The following MIPOL1 variants were observed in gnomAD, a reference collection of about 807,000 sequenced individuals.
The protein encoded by MIPOL1 is mirror-image polydactyly 1.
Under a neutral mutation model 60.9 loss-of-function variants are expected in MIPOL1, and 57 were observed. That is an observed-to-expected ratio of 0.94 (90% CI 0.76 to 1.17). The LOEUF (loss-of-function observed/expected upper bound fraction) is 1.17, where lower values mean the gene tolerates loss of function less well. MIPOL1 is among the 50% of genes most tolerant of loss of function. MIPOL1 has a pLI of 0.00. For missense variants in MIPOL1, 551 were observed against 511.6 expected (o/e 1.08, Z -0.74); for synonymous variants, 179 against 168.8 (o/e 1.06, Z -0.47).
intron 9 of MIPOL1, among the ~76,000 whole-genome samples, chr14:37,310,070 CA>C (rs1299775256): frequency 6.6e-6 from 1 of 152,130 alleles, no homozygotes; most frequent in East Asian, 1.9e-4. Flanking sequence ...CCAACACACA[CA>C]CATCTGGCTT....
chr14:37,403,905 G>C (rs975924119), intron 10 of MIPOL1, among the ~76,000 whole-genome samples: 1 of 152,156 alleles, frequency 6.6e-6, no homozygotes, highest in African/African-American at 2.4e-5. Context: ...GTGTCTTTAA[G>C]TGTTCTCTAA....
intron 11 of MIPOL1, among the ~76,000 whole-genome samples, chr14:37,436,008 C>A (rs2094158039): frequency 2.6e-5 from 4 of 151,910 alleles, no homozygotes; most frequent in Admixed American, 2.6e-4. Context: ...AATTAAATTC[C>A]AGAGTAGACT....
intron 7 of MIPOL1, among the ~76,000 whole-genome samples, chr14:37,294,143 C>T (rs563329067): frequency 4.5e-4 from 69 of 152,270 alleles, no homozygotes; most frequent in African/African-American, 9.9e-4. Flanking sequence ...GCAGCATTTG[C>T]GGTTCACCAA....
At chr14:37,389,999 G>A (rs554323681) in intron 10 of MIPOL1, among the ~76,000 whole-genome samples, 127 of 151,988 alleles carry the variant, frequency 8.4e-4, no homozygotes, top group Non-Finnish European at 1.6e-3. Context: ...TCAGGAGTTC[G>A]AGACCAGCTG....
intron 1 of MIPOL1, among the ~76,000 whole-genome samples, chr14:37,209,709 T>G (rs1342905633): frequency 6.6e-6 from 1 of 152,044 alleles, no homozygotes; most frequent in Non-Finnish European, 1.5e-5. Flanking sequence ...GGTTTTCGTT[T>G]ATTTGCTTAT....
intron 3 of MIPOL1, among the ~76,000 whole-genome samples, chr14:37,263,952 A>C (rs542452551): frequency 1.8e-4 from 28 of 152,328 alleles, no homozygotes; most frequent in Middle Eastern, 6.8e-3. Flanking sequence ...CTAATATGCA[A>C]AACAGACCAA....
Position 37,308,085 on chromosome 14 carries a change from A to G in MIPOL1, c.653A>G (p.Asp218Gly). Reference sequence around the variant, plus strand: ...GAAAATATTAACCCTGAAGAAAATGACATGGTAAGCCATTCTCTGAGGAGA... The same window carrying G: ...GAAAATATTAACCCTGAAGAAAATGGCATGGTAAGCCATTCTCTGAGGAGA... ...VLENINPEEN[D>G]MTLQELLNRI... The change falls in exon 8 of 13, where the codon GAC becomes GGC. Residue 218 changes from aspartate to glycine, a missense_variant. Physicochemically the swap from Asp to Gly is moderately conservative, Grantham distance 94 (BLOSUM62 -1). Transcript: ENST00000684589. 1 of 1,610,658 alleles carries G rather than the reference A, an allele frequency of 6.2e-7. No individual in the cohort carries two copies. The highest frequency in any genetic ancestry group is 1.1e-5 in the South Asian group (1 of 90,748).
At chr14:37,218,924 CAAAA>C (rs150658949) in intron 1 of MIPOL1, among the ~76,000 whole-genome samples, 13 of 106,758 alleles carry the variant, frequency 1.2e-4, no homozygotes, top group Admixed American at 3.0e-4. Context: ...GACCCTATTT[CAAAA>C]AAAAAAAAAA....
At chr14:37,423,213 G>A (rs1368696790) in intron 11 of MIPOL1, among the ~76,000 whole-genome samples, 1 of 151,260 alleles carries the variant, frequency 6.6e-6, no homozygotes, top group South Asian at 2.1e-4. Context: ...AATGAAGCCT[G>A]GATAGCTGTT....
Position 37,268,663 on chromosome 14 carries a change from T to C in MIPOL1, c.257T>C (p.Met86Thr). The C allele has an allele frequency of 1.3e-6, 2 of 1,583,478 alleles. No individual in the cohort carries two copies. Among genetic ancestry groups the C allele is most frequent in the Non-Finnish European group, 1.7e-6 (2 of 1,168,038 alleles). ...AATCAGTTTCTTTATTACAGCGTTATGGAACATAGACATAATGATATGCAT... is the reference window on the plus strand; with the variant it reads ...AATCAGTTTCTTTATTACAGCGTTACGGAACATAGACATAATGATATGCAT... ...VYCTTEKYNV[M>T]EHRHNDMHYE... The change falls in exon 5 of 13, where the codon ATG (methionine) becomes ACG (threonine). Residue 86 changes from methionine (M) to threonine (T), a missense_variant. Physicochemically the swap from Met to Thr is moderately conservative, Grantham distance 81. Transcript: ENST00000684589.
intron 10 of MIPOL1, among the ~76,000 whole-genome samples, chr14:37,375,496 T>A (rs2092751115): frequency 6.6e-6 from 1 of 152,146 alleles, no homozygotes; most frequent in Admixed American, 6.6e-5. Flanking sequence ...CCTTTTTAAT[T>A]TATTAATTTA....
intron 11 of MIPOL1, among the ~76,000 whole-genome samples, chr14:37,476,946 G>T (rs1424484254): frequency 7.0e-6 from 1 of 142,462 alleles, no homozygotes; most frequent in Non-Finnish European, 1.5e-5. Flanking sequence ...TGTCACCCAG[G>T]CTGGAGTGCA....
At chr14:37,337,977 T>C (rs549641851) in intron 9 of MIPOL1, among the ~76,000 whole-genome samples, 12 of 152,226 alleles carry the variant, frequency 7.9e-5, no homozygotes, top group African/African-American at 2.9e-4. Context: ...TGTTTTTTCC[T>C]AATATTTTTA....
rs1006715436 is a variant in MIPOL1, at chr14:37,548,506, A to G, written c.*1535A>G. On this transcript the variant is annotated 3_prime_UTR_variant, in exon 13 of 13. Coordinates refer to ENST00000684589, the MANE Select transcript of MIPOL1 (RefSeq NM_001388067.1). ...GTCCTAAAGAGAATTATATCCTCTC[A>G]TAGACCAATGACTCTATAATAGAGA... The G allele has an allele frequency of 1.3e-5, 2 of 152,052 alleles. No individual in the cohort carries two copies. Among genetic ancestry groups the G allele is most frequent in the Non-Finnish European group, 2.9e-5 (2 of 67,878 alleles). 9.4% of individuals were successfully genotyped at this position (152,052 alleles called of 1,614,324 possible).
chr14:37,500,570 A>G (rs945462215), intron 12 of MIPOL1, among the ~76,000 whole-genome samples: 16 of 152,154 alleles, frequency 1.1e-4, no homozygotes, highest in African/African-American at 3.6e-4. Context: ...AGTAGGGTGA[A>G]ATTAATTTTC....
At chr14:37,453,331 G>C (rs1248589355) in intron 11 of MIPOL1, among the ~76,000 whole-genome samples, 1 of 151,938 alleles carries the variant, frequency 6.6e-6, no homozygotes, top group African/African-American at 2.4e-5. Flanking sequence ...TTTTTTTCAG[G>C]ATCCCATAAC....
chr14:37,477,313 T>C (rs566939959), intron 11 of MIPOL1, among the ~76,000 whole-genome samples: 1 of 152,202 alleles, frequency 6.6e-6, no homozygotes, highest in African/African-American at 2.4e-5. Context: ...ATCATTTCTT[T>C]CTTAAATATT....
At chr14:37,464,936 A>G (rs1048200095) in intron 11 of MIPOL1, among the ~76,000 whole-genome samples, 1 of 152,184 alleles carries the variant, frequency 6.6e-6, no homozygotes, top group Non-Finnish European at 1.5e-5. Context: ...TGAGTTAACT[A>G]GCATCATATT....
chr14:37,346,383 G>C lies in MIPOL1; in HGVS notation c.829-23134G>C, dbSNP rs111238704. 9.9e-3 allele frequency among the ~76,000 whole-genome samples: 1,501 copies of C among 152,146 alleles called. 9 individuals are homozygous for C. Among genetic ancestry groups the C allele is most frequent in the Middle Eastern group, 0.031 (9 of 294 alleles). Reference sequence around the variant, plus strand: ...GCCCTTTCAGATACTTGCCACTTTGGGTATTCCTGGGCCTTACCTTCTATT... The same window carrying C: ...GCCCTTTCAGATACTTGCCACTTTGCGTATTCCTGGGCCTTACCTTCTATT... On this transcript the variant is annotated intron_variant, in intron 9 of 12. Transcript: ENST00000684589.
Sources: allele counts gnomAD v4.1 joint callset (sites outside exome capture counted in the v4.1 genomes callset), GRCh38; gene constraint gnomAD v4.1.1; transcripts MANE v1.5; gene names NCBI Gene and HGNC (gene_info 2026-07-23, HGNC 2026-07-21).